SNAPC3: variants seen among roughly 807,000 people sequenced by gnomAD.
SNAPC3 encodes snRNA-activating protein complex subunit 3.
SNAPC3 carries 56 observed loss-of-function variants against 47.7 expected under a neutral mutation model. The observed-to-expected ratio is 1.18, with a 90% confidence interval of 0.95 to 1.47. The LOEUF is 1.47. SNAPC3 is among the 40% of genes most tolerant of loss of function. SNAPC3 has a pLI of 0.00. For synonymous variants in SNAPC3, 235 were observed against 189.9 expected (o/e 1.24, Z -1.95); for missense variants, 665 against 511.3 (o/e 1.30, Z -2.90).
intron 7 of SNAPC3, among the ~76,000 whole-genome samples, chr9:15,456,971 C>A (rs907910459): frequency 9.2e-5 from 14 of 152,022 alleles, no homozygotes; most frequent in Admixed American, 3.3e-4. Context: ...TTGTTAGAGA[C>A]CTTTAGAACA....
At chr9:15,431,725 C>T (rs1209210370) in intron 2 of SNAPC3, among the ~76,000 whole-genome samples, 1 of 151,820 alleles carries the variant, frequency 6.6e-6, no homozygotes, top group Admixed American at 6.6e-5. Flanking sequence ...TTTCACACAC[C>T]CCAAATGTAA....
chr9:15,427,011 T>C (rs2031493189), intron 2 of SNAPC3, among the ~76,000 whole-genome samples: 1 of 151,990 alleles, frequency 6.6e-6, no homozygotes, highest in East Asian at 1.9e-4. Context: ...ACCAATAATT[T>C]CACATTATTA....
downstream of SNAPC3, chr9:15,465,517 A>T (rs1365331373): frequency 1.9e-6 from 3 of 1,548,616 alleles, no homozygotes; most frequent in Non-Finnish European, 2.7e-6. Flanking sequence ...CAGGTATGTC[A>T]ACCTAGTTAT....
In SNAPC3 at chr9:15,447,375, T is replaced by G. The variant is rs2034024834; in HGVS notation, c.732+131T>G. The G allele has an allele frequency of 3.3e-5, 24 of 733,186 alleles. No individual in the cohort carries two copies. In the South Asian group the frequency reaches 4.0e-4, roughly 12 times the overall value. The allele number at this position is 733,186 out of a possible 1,614,324, so 45.4% of individuals were successfully genotyped here. The stretch of plus-strand genomic sequence containing the variant: ...CGGGATTCCATCAAACTACACTATC[T>G]CATTCCTTCCCTTTATCACCGGAAC... On this transcript the variant is annotated intron_variant, in intron 5 of 8. Coordinates refer to ENST00000380821, the MANE Select transcript of SNAPC3 (RefSeq NM_001039697.2).
At chr9:15,438,168 G>T (rs949695933) in intron 3 of SNAPC3, among the ~76,000 whole-genome samples, 1 of 152,146 alleles carries the variant, frequency 6.6e-6, no homozygotes, top group African/African-American at 2.4e-5. Context: ...CTTGTTACAG[G>T]TCTATTTAGA....
At chr9:15,443,503 C>T (rs2033678973) in intron 3 of SNAPC3, among the ~76,000 whole-genome samples, 1 of 152,076 alleles carries the variant, frequency 6.6e-6, no homozygotes, top group African/African-American at 2.4e-5. Flanking sequence ...ACTTGTTGTA[C>T]GTGGTCACTG....
At position 15,453,043 on chromosome 9, in the gene SNAPC3, C is replaced by A. The variant is rs1280409596; in HGVS notation, c.818C>A (p.Thr273Asn). ...ATCCTTGCCTTTTCCCCCCTCAGAA[C>A]TATCATTGAGTGGTCAGAGTCCCAT... ...RYPECRDLSR[T>N]IIEWSESHDR... The change falls in exon 7 of 9, where the codon ACT becomes AAT. Residue 273 changes from threonine (T) to asparagine (N), a missense_variant and splice_region_variant. Transcript: ENST00000380821. 4 of 1,607,604 alleles carry A rather than the reference C, an allele frequency of 2.5e-6. No homozygotes were observed. Among genetic ancestry groups the A allele is most frequent in the Admixed American group, 3.4e-5 (2 of 58,662 alleles).
downstream of SNAPC3, chr9:15,465,483 ACTTCT>A: frequency 6.8e-7 from 1 of 1,472,748 alleles, no homozygotes; most frequent in Non-Finnish European, 9.3e-7. Context: ...ACCATTACAA[ACTTCT>A]CAAGTGTTCT....
intron 3 of SNAPC3, among the ~76,000 whole-genome samples, chr9:15,435,096 T>C (rs1441264270): frequency 1.3e-5 from 2 of 152,338 alleles, no homozygotes; most frequent in South Asian, 2.1e-4. Flanking sequence ...TTTTTTTTAA[T>C]AATAGCCATC....
At chr9:15,459,626 AATG>A (rs2035050155) in intron 8 of SNAPC3, 90 bp from the exon 9 acceptor site, 1 of 961,042 alleles carries the variant, frequency 1.0e-6, no homozygotes, top group African/African-American at 1.6e-5. Flanking sequence ...AAGGAAATAG[AATG>A]TTATATTTAC....
intron 4 of SNAPC3, among the ~76,000 whole-genome samples, chr9:15,445,496 G>A (rs1461652677): frequency 6.6e-6 from 1 of 152,096 alleles, no homozygotes; most frequent in East Asian, 1.9e-4. Context: ...TCTTTCCTAG[G>A]CCAGAGTGTA....
At position 15,445,748 on chromosome 9, in the gene SNAPC3, A is replaced by G. The variant is rs111742255; in HGVS notation, c.582+1042A>G. 1.3e-3 allele frequency among the ~76,000 whole-genome samples: 202 copies of G among 152,274 alleles called. 3 individuals carry two copies. The highest frequency in any genetic ancestry group is 4.6e-3 in the African/African-American group (192 of 41,546). ...CTGATCACTTGAGCTCAGGAGTTCA[A>G]GATCAGCCTAGACAAAGTGGCAAAA... On this transcript the variant is annotated intron_variant, in intron 4 of 8. Coordinates refer to ENST00000380821, the MANE Select transcript of SNAPC3 (RefSeq NM_001039697.2).
In SNAPC3 at chr9:15,437,617, CTGT is replaced by C. The variant is rs1332533226; in HGVS notation, c.477+3986_477+3988del. ...TTTCTGTGTCAGTCGAGGTAATGAT[CTGT>C]TGTTTTTTTTTTTTTTTTGCCCCAT... On this transcript the variant is annotated intron_variant, in intron 3 of 8. Transcript: ENST00000380821. Among the ~76,000 whole-genome samples the C allele has an allele frequency of 2.9e-5, 4 of 138,798 alleles. No individual in the cohort carries two copies. In the South Asian group the frequency reaches 8.7e-4, roughly 30 times the overall value. 91.1% of individuals were successfully genotyped at this position (138,798 alleles called of 152,430 possible). A position where few individuals can be genotyped will look rare whatever the true frequency, so the allele number is the denominator to read the frequency against.
chr9:15,444,238 A>T (rs1008742335), intron 3 of SNAPC3, among the ~76,000 whole-genome samples: 1 of 152,238 alleles, frequency 6.6e-6, no homozygotes, highest in African/African-American at 2.4e-5. Context: ...TTATCTGTAA[A>T]ATAGCTTTCA....
rs1158730080 is a variant in SNAPC3 at position 15,457,985 on chromosome 9, G to C, written c.1006G>C (p.Asp336His). 6.3e-7 allele frequency: 1 copy of C among 1,590,022 alleles called. No homozygotes were observed. Among genetic ancestry groups the C allele is most frequent in the African/African-American group, 1.4e-5 (1 of 73,306 alleles). The change falls in exon 8 of 9, where the codon GAT becomes CAT. Residue 336 changes from aspartate to histidine, a missense_variant. Coordinates refer to ENST00000380821, the MANE Select transcript of SNAPC3 (RefSeq NM_001039697.2). ...GCTTGTGCATCATGATGACTGCTTGGATAGGACATTGTATCCCCTCCTTAT... is the reference window on the plus strand; with the variant it reads ...GCTTGTGCATCATGATGACTGCTTGCATAGGACATTGTATCCCCTCCTTAT... ...IRLVHHDDCL[D>H]RTLYPLLIKK...
At chr9:15,442,137 G>A (rs1349922282) in intron 3 of SNAPC3, among the ~76,000 whole-genome samples, 4 of 150,818 alleles carry the variant, frequency 2.7e-5, no homozygotes, top group African/African-American at 9.7e-5. Context: ...CCGGGACGGG[G>A]CGGCTGGCTG....
intron 3 of SNAPC3, among the ~76,000 whole-genome samples, chr9:15,440,678 G>T (rs1479387372): frequency 1.3e-5 from 2 of 152,120 alleles, no homozygotes; most frequent in African/African-American, 2.4e-5. Context: ...GGCCGGGCGC[G>T]GTGGCTCACG....
intron 7 of SNAPC3, among the ~76,000 whole-genome samples, chr9:15,454,305 C>T (rs965427378): frequency 6.6e-6 from 1 of 151,988 alleles, no homozygotes; most frequent in Non-Finnish European, 1.5e-5. Flanking sequence ...GTCTTACTGA[C>T]TCTTCTCCAA....
intron 7 of SNAPC3, among the ~76,000 whole-genome samples, chr9:15,457,648 A>G (rs1259644847): frequency 1.3e-5 from 2 of 152,172 alleles, no homozygotes; most frequent in African/African-American, 4.8e-5. Flanking sequence ...ATTCTCTGGT[A>G]GAATACATTC....
Sources: allele counts gnomAD v4.1 joint callset (sites outside exome capture counted in the v4.1 genomes callset), GRCh38; gene constraint gnomAD v4.1.1; transcripts MANE v1.5; gene names NCBI Gene and HGNC (gene_info 2026-07-23, HGNC 2026-07-21).